The following ACOT7 variants were observed in gnomAD, a reference collection of about 807,000 sequenced individuals.
ACOT7 encodes acyl-CoA thioesterase 7.
ACOT7 carries 12 observed loss-of-function variants against 40.2 expected under a neutral mutation model. The observed-to-expected ratio is 0.30, with a 90% CI of 0.19 to 0.48. The LOEUF (loss-of-function observed/expected upper bound fraction) is 0.48. Ranked by LOEUF, ACOT7 falls within the 20% of genes least tolerant of loss-of-function variation. The probability of loss-of-function intolerance (pLI) is 0.99; values close to 1 mark genes in which losing one functional copy is unlikely to be tolerated. For missense variants in ACOT7, 395 were observed against 530.8 expected (o/e 0.74, Z 2.51); for synonymous variants, 228 against 219.5 (o/e 1.04, Z -0.34).
At chr1:6,334,689 G>C (rs977968553) in intron 3 of ACOT7, among the ~76,000 whole-genome samples, 4 of 152,254 alleles carry the variant, frequency 2.6e-5, no homozygotes, top group African/African-American at 7.2e-5. Context: ...GCAGGACAGG[G>C]AAGGCTGTCC....
intron 4 of ACOT7, among the ~76,000 whole-genome samples, chr1:6,328,328 G>C (rs867387831): frequency 6.6e-6 from 1 of 152,070 alleles, no homozygotes; most frequent in African/African-American, 2.4e-5. Flanking sequence ...TGAATCACAG[G>C]GGTTTTGACT....
At position 6,318,189 on chromosome 1, in the gene ACOT7, G is replaced by A. The variant is rs552417710; in HGVS notation, c.712+303C>T. Among the ~76,000 whole-genome samples, 10 of 152,274 alleles carry A rather than the reference G, an allele frequency of 6.6e-5. No homozygotes were observed. In the East Asian group the frequency reaches 1.7e-3, roughly 26 times the overall value. ...TCCCACCTCAGCCTCCCAGTAGCTG[G>A]GATCACAGGTGCAGGCCACCATGCC... On this transcript the variant is annotated intron_variant, in intron 6 of 8. Coordinates refer to ENST00000361521, the MANE Select transcript of ACOT7 (RefSeq NM_007274.4).
chr1:6,270,471 G>T (rs922946618), intron 8 of ACOT7, among the ~76,000 whole-genome samples: 5 of 152,310 alleles, frequency 3.3e-5, no homozygotes, highest in South Asian at 2.1e-4. Flanking sequence ...CGAGCCTCTG[G>T]GGCTCCCCAA....
At chr1:6,337,416 G>A (rs1641136319) in intron 3 of ACOT7, among the ~76,000 whole-genome samples, 1 of 152,226 alleles carries the variant, frequency 6.6e-6, no homozygotes, top group Non-Finnish European at 1.5e-5. Flanking sequence ...CAGCCAGCAT[G>A]TCTCAGCACT....
intron 6 of ACOT7, among the ~76,000 whole-genome samples, chr1:6,303,328 GAA>G (rs928869536): frequency 2.0e-5 from 3 of 146,930 alleles, no homozygotes; most frequent in African/African-American, 7.5e-5. Context: ...GAATTACGGG[GAA>G]AAAAAAAAGA....
Position 6,311,563 on chromosome 1 carries a change from T to C in ACOT7, c.712+6929A>G, listed in dbSNP as rs891759435. Among the ~76,000 whole-genome samples the C allele has an allele frequency of 2.0e-5, 3 of 152,136 alleles. No homozygotes were observed. Among genetic ancestry groups the C allele is most frequent in the African/African-American group, 4.8e-5 (2 of 41,436 alleles). On this transcript the variant is annotated intron_variant, in intron 6 of 8. Coordinates refer to ENST00000361521, the MANE Select transcript of ACOT7 (RefSeq NM_007274.4). This position sits in a 1 kb window ranked among gnomAD's most constrained non-coding sequence, Gnocchi z 5.2. ...TCTCAACTCCCTCCGTCCCCAGCTA[T>C]TGGGGTCTCTTGTGGTATAATTCAG...
At chr1:6,300,573 C>CAA (rs1161413231) in intron 6 of ACOT7, among the ~76,000 whole-genome samples, 2 of 149,330 alleles carry the variant, frequency 1.3e-5, no homozygotes, top group African/African-American at 4.9e-5. Context: ...TCCTGATGCG[C>CAA]GGCCGGCCCT....
At chr1:6,373,415 A>C (rs532677031) in intron 1 of ACOT7, among the ~76,000 whole-genome samples, 12 of 151,988 alleles carry the variant, frequency 7.9e-5, no homozygotes, top group Non-Finnish European at 1.8e-4. Context: ...ACACCCAGCT[A>C]ATTTTTTATA....
At position 6,358,939 on chromosome 1, in the gene ACOT7, C is replaced by A. The variant is rs79271789; in HGVS notation, c.144-9073G>T. 13,209 of 1,536,132 alleles carry A rather than the reference C, an allele frequency of 8.6e-3. 79 individuals are homozygous for A. Among genetic ancestry groups the A allele is most frequent in the Non-Finnish European group, 0.011 (12,316 of 1,137,018 alleles). On this transcript the variant is annotated intron_variant, in intron 1 of 8. Coordinates refer to ENST00000361521, the MANE Select transcript of ACOT7 (RefSeq NM_007274.4). The surrounding 1 kb of genome is among the most constrained non-coding windows in gnomAD (Gnocchi z 4.1). ...TGCCTGACCCAGGACTGTCCCAGCTCCCTGCCACACCGGGCTTGGTGGGGA... is the reference window on the plus strand; with the variant it reads ...TGCCTGACCCAGGACTGTCCCAGCTACCTGCCACACCGGGCTTGGTGGGGA...
intron 7 of ACOT7, 114 bp from the exon 8 acceptor site, chr1:6,281,400 G>C (rs1459363396): frequency 2.4e-6 from 2 of 846,030 alleles, no homozygotes; most frequent in African/African-American, 1.6e-5. Flanking sequence ...GCAGTGGCTT[G>C]GCTGACTACC....
At chr1:6,342,909 AT>A (rs1473915702) in intron 2 of ACOT7, among the ~76,000 whole-genome samples, 1 of 152,210 alleles carries the variant, frequency 6.6e-6, no homozygotes. Context: ...CTTATTTCTC[AT>A]CTTTGCTGAA....
chr1:6,272,757 T>C (rs1258276558), intron 8 of ACOT7, among the ~76,000 whole-genome samples: 1 of 152,248 alleles, frequency 6.6e-6, no homozygotes, highest in East Asian at 1.9e-4. Context: ...CCAAGTCCCA[T>C]GGCCAGGACC....
chr1:6,305,027 A>G (rs936684953), intron 6 of ACOT7, among the ~76,000 whole-genome samples: 1,220 of 115,208 alleles, frequency 0.011, 11 homozygotes, highest in African/African-American at 0.039. Context: ...CGGGGCGCTG[A>G]CCCCCCCGCC....
rs1640317854 is a variant in ACOT7 at position 6,311,105 on chromosome 1, G to GT, written c.712+7386dup. Among the ~76,000 whole-genome samples the GT allele has an allele frequency of 6.6e-6, 1 of 152,170 alleles. No homozygotes were observed. Among genetic ancestry groups the GT allele is most frequent in the East Asian group, 1.9e-4 (1 of 5,194 alleles). On this transcript the variant is annotated intron_variant, in intron 6 of 8. Coordinates refer to ENST00000361521, the MANE Select transcript of ACOT7 (RefSeq NM_007274.4). This position sits in a 1 kb window ranked among gnomAD's most constrained non-coding sequence, Gnocchi z 5.2. ...TCAGATGAGTTTAGGAAACTCTATT[G>GT]TGGCCCCTCTTCCCTGCCACATGCT...
At chr1:6,385,497 C>T (rs780569034) in intron 1 of ACOT7, 31 of 1,608,476 alleles carry the variant, frequency 1.9e-5, no homozygotes, top group Non-Finnish European at 2.6e-5. Flanking sequence ...ATCCTACCTT[C>T]CAGTAATGCA....
intron 5 of ACOT7, among the ~76,000 whole-genome samples, chr1:6,321,050 C>G (rs1163152132): frequency 6.6e-6 from 1 of 152,182 alleles, no homozygotes; most frequent in Non-Finnish European, 1.5e-5. Flanking sequence ...AGAGATGACT[C>G]CCGCCAGGGT....
intron 4 of ACOT7, among the ~76,000 whole-genome samples, chr1:6,331,951 C>G (rs1640964621): frequency 6.6e-6 from 1 of 152,156 alleles, no homozygotes; most frequent in African/African-American, 2.4e-5. Context: ...GCAGTGGCAG[C>G]AGGGACCGAG....
chr1:6,393,167 C>T (rs1171064609), intron 1 of ACOT7, 90 bp downstream of exon 1: 3 of 1,184,266 alleles, frequency 2.5e-6, no homozygotes, highest in Non-Finnish European at 3.1e-6. Context: ...GCGGCCTCGG[C>T]GGGTGGGGAC....
intron 1 of ACOT7, among the ~76,000 whole-genome samples, chr1:6,374,725 A>G (rs1642193892): frequency 6.6e-6 from 1 of 152,176 alleles, no homozygotes; most frequent in African/African-American, 2.4e-5. Flanking sequence ...TAAACTGCCA[A>G]GCTGAGAGTT....
Sources: allele counts gnomAD v4.1 joint callset (sites outside exome capture counted in the v4.1 genomes callset), GRCh38; gene constraint gnomAD v4.1.1; non-coding constraint Gnocchi (gnomAD v3.1); transcripts MANE v1.5; gene names NCBI Gene and HGNC (gene_info 2026-07-23, HGNC 2026-07-21).